The following APBA1 variants were observed in gnomAD, a reference collection of about 807,000 sequenced individuals.
The protein encoded by APBA1 is amyloid-beta A4 precursor protein-binding family A member 1.
Under a neutral mutation model 86.6 loss-of-function variants are expected in APBA1, and 55 were observed. The ratio of observed to expected loss-of-function variants is 0.64; its 90% CI spans 0.51 to 0.80. The LOEUF (loss-of-function observed/expected upper bound fraction) is 0.80. Among genes scored for constraint, APBA1 ranks in the 30% least tolerant of loss-of-function variants. The probability of loss-of-function intolerance (pLI) is 0.00; values close to 1 mark genes in which losing one functional copy is unlikely to be tolerated. For synonymous variants in APBA1, 511 were observed against 493.9 expected, an observed-to-expected ratio of 1.03 and a Z score of -0.46; for missense variants, 1,090 against 1,183.0, an observed-to-expected ratio of 0.92 and a Z score of 1.15.
intron 1 of APBA1, among the ~76,000 whole-genome samples, chr9:69,615,547 T>C (rs147230695): frequency 1.2e-4 from 18 of 152,316 alleles, no homozygotes; most frequent in Admixed American, 1.1e-3. Flanking sequence ...ATAGAAACCA[T>C]AGGTAAAATC....
At chr9:69,650,212 T>C (rs1214106483) in intron 1 of APBA1, among the ~76,000 whole-genome samples, 1 of 152,180 alleles carries the variant, frequency 6.6e-6, no homozygotes, top group Non-Finnish European at 1.5e-5. Flanking sequence ...AGTGTCCTCA[T>C]CTGCAAAATG....
intron 1 of APBA1, among the ~76,000 whole-genome samples, chr9:69,521,494 G>A (rs1836250851): frequency 1.3e-5 from 2 of 152,178 alleles, no homozygotes; most frequent in African/African-American, 2.4e-5. Flanking sequence ...GCAAGCCAGA[G>A]GAGGCTTCCC....
chr9:69,647,159 T>G (rs889730050), intron 1 of APBA1, among the ~76,000 whole-genome samples: 1 of 152,234 alleles, frequency 6.6e-6, no homozygotes, highest in Non-Finnish European at 1.5e-5. Context: ...GACTGGACCC[T>G]GAGGTTTCAT....
chr9:69,669,201 G>A (rs958950013), intron 1 of APBA1, among the ~76,000 whole-genome samples: 5 of 152,044 alleles, frequency 3.3e-5, no homozygotes, highest in Admixed American at 6.6e-5. Context: ...CAGATTTTAC[G>A]GCTTGAAATT....
In APBA1 at chr9:69,516,668, C is replaced by A. The variant is rs1041924119; in HGVS notation, c.543G>T (p.Glu181Asp). ...AGTCGGCATAGGGCTCGGAGTAGGG[C>A]TCGTCCTCACCGCGGTGGAAGAGCC... ...THRLFHRGED[E>D]PYSEPYADYG... Residue 181 changes from glutamate (E) to aspartate (D), a missense_variant, in exon 2 of 13, where the codon GAG becomes GAT. Transcript: ENST00000265381. The surrounding 1 kb of genome is among the most constrained non-coding windows in gnomAD (Gnocchi z 7.3). 10 of 1,609,490 alleles carry A rather than the reference C, an allele frequency of 6.2e-6. No individual in the cohort carries two copies. The highest frequency in any genetic ancestry group is 8.5e-6 in the Non-Finnish European group (10 of 1,178,976).
intron 1 of APBA1, among the ~76,000 whole-genome samples, chr9:69,580,784 C>A (rs1471503266): frequency 4.6e-5 from 7 of 152,178 alleles, no homozygotes; most frequent in African/African-American, 1.7e-4. Flanking sequence ...ATATAAAGTA[C>A]CTTCAGCTCC....
chr9:69,665,502 G>A (rs761021308), intron 1 of APBA1, among the ~76,000 whole-genome samples: 12 of 152,140 alleles, frequency 7.9e-5, no homozygotes, highest in Non-Finnish European at 1.8e-4. Context: ...TTACACCTGA[G>A]TTACTTAAAT....
chr9:69,578,820 A>G (rs1451134600), intron 1 of APBA1, among the ~76,000 whole-genome samples: 2 of 152,144 alleles, frequency 1.3e-5, no homozygotes, highest in African/African-American at 2.4e-5. Flanking sequence ...AACAATTGCA[A>G]TTTTATCACA....
intron 1 of APBA1, among the ~76,000 whole-genome samples, chr9:69,586,387 A>T (rs1021942377): frequency 3.9e-5 from 6 of 152,196 alleles, no homozygotes; most frequent in African/African-American, 1.4e-4. Flanking sequence ...GGGCTAGCAC[A>T]TCACGGTCTC....
Position 69,595,679 on chromosome 9 carries a change from A to G in APBA1, c.-70+76474T>C, listed in dbSNP as rs138116920. Among the ~76,000 whole-genome samples the G allele has an allele frequency of 6.9e-3, 1,058 of 152,298 alleles. 11 individuals carry two copies. Among genetic ancestry groups the G allele is most frequent in the African/African-American group, 0.024 (1,001 of 41,560 alleles). Reference sequence around the variant, plus strand: ...GAAGTTGCTCAATCTAGCTATATCCACAGTGAGGCTAAATACCCTGGATCT... The same window carrying G: ...GAAGTTGCTCAATCTAGCTATATCCGCAGTGAGGCTAAATACCCTGGATCT... On this transcript the variant is annotated intron_variant, in intron 1 of 12. Coordinates refer to ENST00000265381, the MANE Select transcript of APBA1 (RefSeq NM_001163.4).
chr9:69,658,248 C>CTT (rs1313003260), intron 1 of APBA1, among the ~76,000 whole-genome samples: 3 of 21,904 alleles, frequency 1.4e-4, no homozygotes, highest in Non-Finnish European at 2.3e-4. Context: ...TTCTTTCTTT[C>CTT]TTTCTTTCTT....
At chr9:69,476,619 T>A (rs576820303) in intron 2 of APBA1, among the ~76,000 whole-genome samples, 1 of 151,526 alleles carries the variant, frequency 6.6e-6, no homozygotes, top group South Asian at 2.1e-4. Flanking sequence ...CTAGAAACCA[T>A]ACCACCTGTA....
At chr9:69,655,828 A>G (rs1327308325) in intron 1 of APBA1, among the ~76,000 whole-genome samples, 4 of 152,210 alleles carry the variant, frequency 2.6e-5, no homozygotes, top group African/African-American at 9.6e-5. Flanking sequence ...AAGTTCTGTT[A>G]CATTAGCAGG....
intron 1 of APBA1, among the ~76,000 whole-genome samples, chr9:69,538,362 G>A (rs903982066): frequency 2.0e-5 from 3 of 152,186 alleles, no homozygotes; most frequent in Non-Finnish European, 2.9e-5. Flanking sequence ...CCTGGAGGGG[G>A]TGGAAAATCT....
chr9:69,462,563 G>A (rs1433184544), intron 5 of APBA1: 2 of 152,198 alleles, frequency 1.3e-5, no homozygotes, highest in Non-Finnish European at 2.9e-5. Flanking sequence ...ATAAGTATGG[G>A]AGCTGCTAGT....
At chr9:69,569,448 A>AGT (rs71507121) in intron 1 of APBA1, among the ~76,000 whole-genome samples, 1,751 of 145,030 alleles carry the variant, frequency 0.012, 22 homozygotes, top group African/African-American at 0.033. Flanking sequence ...GTCACGTGTG[A>AGT]GTGTGTGTGT....
At chr9:69,533,642 C>T (rs986525734) in intron 1 of APBA1, among the ~76,000 whole-genome samples, 8 of 152,112 alleles carry the variant, frequency 5.3e-5, no homozygotes, top group African/African-American at 1.9e-4. Flanking sequence ...TCACAAATTG[C>T]AGGGGTGGGA....
intron 2 of APBA1, among the ~76,000 whole-genome samples, chr9:69,486,484 G>C (rs1229356061): frequency 6.6e-6 from 1 of 152,104 alleles, no homozygotes; most frequent in Non-Finnish European, 1.5e-5. Context: ...CAGAGAATGG[G>C]AGGAGGCAGA....
At chr9:69,484,830 T>C (rs957864540) in intron 2 of APBA1, among the ~76,000 whole-genome samples, 4 of 152,162 alleles carry the variant, frequency 2.6e-5, no homozygotes, top group Non-Finnish European at 4.4e-5. Flanking sequence ...AGCTTTACAA[T>C]GTTTTCCAGC....
Sources: gnomAD v4.1 joint callset for allele counts (sites outside exome capture counted in the v4.1 genomes callset) on GRCh38, gnomAD v4.1.1 for gene constraint, Gnocchi (gnomAD v3.1) non-coding constraint, MANE v1.5 for transcripts, NCBI Gene and HGNC (gene_info 2026-07-23, HGNC 2026-07-21) for gene names.